Variants in PAPPA2 observed in about 807,000 individuals in gnomAD.
PAPPA2 encodes pappalysin-2.
PAPPA2 carries 86 observed loss-of-function variants against 176.4 expected under a neutral mutation model. That is an observed-to-expected ratio of 0.49 (90% CI 0.41 to 0.58). The LOEUF (loss-of-function observed/expected upper bound fraction) is 0.58, where lower values mean the gene tolerates loss of function less well. PAPPA2 is among the 20% of genes least tolerant of loss of function. PAPPA2 has a pLI of 0.00. For missense variants in PAPPA2, 2,073 were observed against 2,256.9 expected (o/e 0.92, Z 1.65); for synonymous variants, 809 against 852.2 (o/e 0.95, Z 0.88).
intron 3 of PAPPA2, among the ~76,000 whole-genome samples, chr1:176,666,830 A>G (rs1032804855): frequency 2.6e-5 from 4 of 152,148 alleles, no homozygotes; most frequent in East Asian, 3.9e-4. Context: ...GACAAGTGGA[A>G]CTGAAAATCT....
At chr1:176,529,486 A>G (rs1649682985) in intron 1 of PAPPA2, among the ~76,000 whole-genome samples, 1 of 151,906 alleles carries the variant, frequency 6.6e-6, no homozygotes, top group South Asian at 2.1e-4. Context: ...ACTTTGAAGT[A>G]CTGGGGATGT....
chr1:176,807,888 G>T (rs73048179), intron 21 of PAPPA2, among the ~76,000 whole-genome samples: 1,610 of 152,280 alleles, frequency 0.011, 20 homozygotes, highest in African/African-American at 0.037. Flanking sequence ...CTATACTGAT[G>T]CCGTGTTCTG....
chr1:176,476,450 T>A (rs1652130116), intron 1 of PAPPA2, among the ~76,000 whole-genome samples: 1 of 152,250 alleles, frequency 6.6e-6, no homozygotes, highest in South Asian at 2.1e-4. Context: ...AGATGGTTAC[T>A]GATATTTTCA....
rs1187776135 is a variant in PAPPA2 at position 176,845,004 on chromosome 1, T to C, written c.*2550T>C. 6.6e-6 allele frequency: 1 copy of C among 152,212 alleles called. No individual in the cohort carries two copies. The highest frequency in any genetic ancestry group is 1.5e-5 in the Non-Finnish European group (1 of 68,026). The allele number at this position is 152,212 out of a possible 1,614,324, so 9.4% of individuals were successfully genotyped here. On this transcript the variant is annotated 3_prime_UTR_variant, in exon 23 of 23. Coordinates refer to ENST00000367662, the MANE Select transcript of PAPPA2 (RefSeq NM_020318.3). ...CTTAGGCTATAAGGCTTCCCAGCCA[T>C]AGTCAGCTATAGCTATTCAGAGACA...
At chr1:176,563,491 T>C (rs1328303003) in intron 2 of PAPPA2, among the ~76,000 whole-genome samples, 3 of 152,044 alleles carry the variant, frequency 2.0e-5, no homozygotes, top group African/African-American at 7.2e-5. Context: ...TAAAGTTTTA[T>C]TGGCACACAT....
At chr1:176,628,626 G>A (rs766767924) in intron 3 of PAPPA2, among the ~76,000 whole-genome samples, 1 of 152,156 alleles carries the variant, frequency 6.6e-6, no homozygotes, top group Non-Finnish European at 1.5e-5. Context: ...TACCACCTGA[G>A]CATATACAGG....
chr1:176,684,583 T>C (rs1192378613), intron 4 of PAPPA2, among the ~76,000 whole-genome samples: 1 of 152,136 alleles, frequency 6.6e-6, no homozygotes, highest in East Asian at 1.9e-4. Context: ...ATTTTATCTG[T>C]CATCTGTGTT....
At chr1:176,511,415 C>T (rs1402085795) in intron 1 of PAPPA2, among the ~76,000 whole-genome samples, 1 of 152,164 alleles carries the variant, frequency 6.6e-6, no homozygotes. Flanking sequence ...CAGTGAATAT[C>T]ATACTTAATG....
At position 176,754,144 on chromosome 1, in the gene PAPPA2, C is replaced by T. The variant is rs925978758; in HGVS notation, c.4152-11522C>T. Among the ~76,000 whole-genome samples the T allele has an allele frequency of 1.3e-5, 2 of 150,666 alleles. 1 individual carries two copies. Among genetic ancestry groups the T allele is most frequent in the South Asian group, 4.2e-4 (2 of 4,764 alleles). ...AATTCCAGAATAGCCTTTATTGAAA[C>T]ATTACTTTGTCTGAGATTGTTCTTA... is the stretch of plus-strand genomic sequence containing the variant. On this transcript the variant is annotated intron_variant, in intron 14 of 22. Coordinates refer to ENST00000367662, the MANE Select transcript of PAPPA2 (RefSeq NM_020318.3).
chr1:176,662,173 A>G (rs1351329977), intron 3 of PAPPA2, among the ~76,000 whole-genome samples: 1 of 152,198 alleles, frequency 6.6e-6, no homozygotes, highest in African/African-American at 2.4e-5. Flanking sequence ...CCTTTCCTCC[A>G]AAACTTACAA....
At chr1:176,477,404 C>T (rs1652177819) in intron 1 of PAPPA2, among the ~76,000 whole-genome samples, 1 of 152,194 alleles carries the variant, frequency 6.6e-6, no homozygotes. Context: ...ACTACTTACT[C>T]TAAATACATG....
At chr1:176,751,281 G>A (rs1663162983) in intron 14 of PAPPA2, among the ~76,000 whole-genome samples, 1 of 151,910 alleles carries the variant, frequency 6.6e-6, no homozygotes, top group Non-Finnish European at 1.5e-5. Context: ...ATAGGCGTGG[G>A]CAAGGACTTC....
chr1:176,690,134 C>T lies in PAPPA2; in HGVS notation c.2138-3C>T. On this transcript the variant is annotated splice_region_variant and splice_polypyrimidine_tract_variant and intron_variant, in intron 4 of 22. Coordinates refer to ENST00000367662, the MANE Select transcript of PAPPA2 (RefSeq NM_020318.3). ...GAAAGGCTTTTCAAAACTTTCATTG[C>T]AGGTGGCATTGTCCTCAGCCCAGCA... 6.3e-7 allele frequency: 1 copy of T among 1,590,396 alleles called. No individual in the cohort carries two copies.
intron 2 of PAPPA2, among the ~76,000 whole-genome samples, chr1:176,576,135 T>G (rs977502011): frequency 6.6e-6 from 1 of 152,184 alleles, no homozygotes; most frequent in Non-Finnish European, 1.5e-5. Flanking sequence ...TGAGGCTGTT[T>G]TTGGCAAATG....
intron 1 of PAPPA2, among the ~76,000 whole-genome samples, chr1:176,470,990 T>C (rs532156735): frequency 1.3e-5 from 2 of 152,280 alleles, no homozygotes; most frequent in South Asian, 2.1e-4. Flanking sequence ...GAGCCATTGA[T>C]TCTGGGACCC....
At chr1:176,539,142 C>T (rs4652185) in intron 1 of PAPPA2, among the ~76,000 whole-genome samples, 95,806 of 152,100 alleles carry the variant, frequency 0.63, 31,897 homozygotes, top group East Asian at 0.95. Flanking sequence ...TTCAAATGCC[C>T]GGGTGCTGGT....
At chr1:176,785,245 T>C (rs1664885453) in intron 17 of PAPPA2, among the ~76,000 whole-genome samples, 1 of 152,108 alleles carries the variant, frequency 6.6e-6, no homozygotes, top group Non-Finnish European at 1.5e-5. Flanking sequence ...CCAAGTTCCA[T>C]ACCATGAATT....
chr1:176,663,678 G>T (rs1467668109), intron 3 of PAPPA2, among the ~76,000 whole-genome samples: 2 of 151,956 alleles, frequency 1.3e-5, no homozygotes, highest in African/African-American at 4.8e-5. Context: ...AGCTGAGGAA[G>T]CTGAGATACA....
At chr1:176,796,163 A>G (rs534330391) in intron 20 of PAPPA2, among the ~76,000 whole-genome samples, 2 of 152,322 alleles carry the variant, frequency 1.3e-5, no homozygotes, top group Admixed American at 1.3e-4. Flanking sequence ...GACATGAGTC[A>G]TGGAAAGGTC....
Sources: gnomAD v4.1 joint callset for allele counts (sites outside exome capture counted in the v4.1 genomes callset) on GRCh38, gnomAD v4.1.1 for gene constraint, MANE v1.5 for transcripts, NCBI Gene and HGNC (gene_info 2026-07-23, HGNC 2026-07-21) for gene names.